Variants in LARGE1 observed in about 807,000 individuals in gnomAD.
LARGE1 encodes the protein xylosyl- and glucuronyltransferase LARGE1.
LARGE1 carries 43 observed loss-of-function variants against 87.6 expected under a neutral mutation model. The ratio of observed to expected loss-of-function variants is 0.49; its 90% CI spans 0.38 to 0.63. The LOEUF is 0.63. Ranked by LOEUF, LARGE1 falls within the 30% of genes least tolerant of loss-of-function variation. The probability of loss-of-function intolerance (pLI) is 0.00; values close to 1 mark genes in which losing one functional copy is unlikely to be tolerated. For missense variants in LARGE1, 802 were observed against 1,000.2 expected (o/e 0.80, Z 2.67); for synonymous variants, 434 against 394.6 (o/e 1.10, Z -1.18).
chr22:33,655,882 A>T (rs954112270), intron 2 of LARGE1, among the ~76,000 whole-genome samples: 2 of 152,224 alleles, frequency 1.3e-5, no homozygotes, highest in Non-Finnish European at 2.9e-5. Context: ...AGGGAGAGAG[A>T]ACTGAGAAAA....
intron 1 of LARGE1, among the ~76,000 whole-genome samples, chr22:33,918,215 AT>A (rs1329239194): frequency 1.3e-5 from 2 of 152,198 alleles, no homozygotes; most frequent in African/African-American, 4.8e-5. Flanking sequence ...AGGAATCTGC[AT>A]TGGCTCACAT....
intron 3 of LARGE1, among the ~76,000 whole-genome samples, chr22:33,633,486 A>T (rs1236769037): frequency 2.6e-5 from 4 of 152,182 alleles, no homozygotes; most frequent in Non-Finnish European, 4.4e-5. Context: ...TTCACAGATA[A>T]ATATGGGGAA....
chr22:33,417,458 A>G (rs2066539113), intron 7 of LARGE1, among the ~76,000 whole-genome samples: 1 of 152,240 alleles, frequency 6.6e-6, no homozygotes, highest in Non-Finnish European at 1.5e-5. Flanking sequence ...CACACCAGAT[A>G]GGGACATAGG....
intron 6 of LARGE1, among the ~76,000 whole-genome samples, chr22:33,477,870 C>T (rs2069147241): frequency 6.6e-6 from 1 of 152,194 alleles, no homozygotes; most frequent in African/African-American, 2.4e-5. Context: ...TGTCGCTGAT[C>T]TAAAATACTC....
At chr22:33,188,283 G>GGA (rs1923594538) in intron 11 of LARGE1, among the ~76,000 whole-genome samples, 3 of 152,162 alleles carry the variant, frequency 2.0e-5, no homozygotes, top group Admixed American at 2.0e-4. Context: ...GGACACTAAT[G>GGA]GAGACAGGAT....
At chr22:33,819,930 G>C (rs547499265) in intron 1 of LARGE1, among the ~76,000 whole-genome samples, 1 of 152,180 alleles carries the variant, frequency 6.6e-6, no homozygotes, top group Non-Finnish European at 1.5e-5. Context: ...CATGTGCAGC[G>C]TGATGTGGGC....
chr22:33,467,702 G>C (rs2068672540), intron 6 of LARGE1, among the ~76,000 whole-genome samples: 1 of 152,208 alleles, frequency 6.6e-6, no homozygotes, highest in Non-Finnish European at 1.5e-5. Context: ...GGCATTTAGT[G>C]AGACAGATGG....
intron 1 of LARGE1, among the ~76,000 whole-genome samples, chr22:33,901,393 C>T (rs2146899400): frequency 6.6e-6 from 1 of 152,286 alleles, no homozygotes; most frequent in African/African-American, 2.4e-5. Flanking sequence ...AAGTAAGCAC[C>T]TTACCCAAGG....
chr22:33,794,343 G>A (rs1945997505), intron 1 of LARGE1, among the ~76,000 whole-genome samples: 1 of 152,204 alleles, frequency 6.6e-6, no homozygotes, highest in Non-Finnish European at 1.5e-5. Flanking sequence ...CCAATCCCAG[G>A]TGGGCCCCAA....
At chr22:33,149,927 G>C in the LARGE1 span, among the ~76,000 whole-genome samples, 1 of 152,042 alleles carries the variant, frequency 6.6e-6, no homozygotes, top group African/African-American at 2.4e-5. Flanking sequence ...TTCCTTCTAC[G>C]TAATTATTTT....
intron 6 of LARGE1, among the ~76,000 whole-genome samples, chr22:33,523,510 T>C (rs2071720436): frequency 6.6e-6 from 1 of 152,192 alleles, no homozygotes; most frequent in Admixed American, 6.5e-5. Context: ...TAGCCTATTG[T>C]CTGTGACATG....
At chr22:33,303,892 G>A (rs984555715) in intron 12 of LARGE1, among the ~76,000 whole-genome samples, 3 of 152,150 alleles carry the variant, frequency 2.0e-5, no homozygotes, top group Admixed American at 6.5e-5. Flanking sequence ...CAAAGTGCTA[G>A]GATTACAGGC....
intron 1 of LARGE1, among the ~76,000 whole-genome samples, chr22:33,796,479 CAGGGAA>C (rs774378463): frequency 6.6e-6 from 1 of 152,040 alleles, no homozygotes; most frequent in Non-Finnish European, 1.5e-5. Flanking sequence ...CTCAAATTCC[CAGGGAA>C]AACAAAAAAG....
intron 2 of LARGE1, among the ~76,000 whole-genome samples, chr22:33,716,791 C>T (rs1046196486): frequency 5.9e-5 from 9 of 152,090 alleles, no homozygotes; most frequent in South Asian, 2.1e-4. Context: ...GTTTAACAAC[C>T]GGTTCCTAGG....
Position 33,413,042 on chromosome 22 carries a change from T to A in LARGE1, c.892+19119A>T, listed in dbSNP as rs576005500. Among the ~76,000 whole-genome samples, 4 of 152,344 alleles carry A rather than the reference T, an allele frequency of 2.6e-5. 1 individual carries two copies. The South Asian group carries it at 8.3e-4, about 32-fold the overall frequency. ...AACAATAGGCTTTCACTAGCAGATG[T>A]GAGCTAGGACCCTAGCACATCACTG... On this transcript the variant is annotated intron_variant, in intron 7 of 14. Coordinates refer to ENST00000397394, the MANE Select transcript of LARGE1 (RefSeq NM_133642.5).
At chr22:33,863,279 T>C (rs1463702781) in intron 1 of LARGE1, among the ~76,000 whole-genome samples, 1 of 152,198 alleles carries the variant, frequency 6.6e-6, no homozygotes, top group Non-Finnish European at 1.5e-5. Flanking sequence ...GCATTTGCCA[T>C]GGAGAAGCAC....
intron 7 of LARGE1, among the ~76,000 whole-genome samples, chr22:33,426,839 T>C (rs2066898697): frequency 6.6e-6 from 1 of 152,240 alleles, no homozygotes; most frequent in African/African-American, 2.4e-5. Flanking sequence ...TATTTTTAAA[T>C]TGTTTTAAAA....
At chr22:33,782,834 C>T (rs1216467956) in intron 1 of LARGE1, among the ~76,000 whole-genome samples, 1 of 149,838 alleles carries the variant, frequency 6.7e-6, no homozygotes, top group Non-Finnish European at 1.5e-5. Context: ...CACTGCACTC[C>T]AGCCTGGCAA....
intron 4 of LARGE1, among the ~76,000 whole-genome samples, chr22:33,608,922 CAT>C (rs773383955): frequency 1.3e-5 from 2 of 152,124 alleles, no homozygotes; most frequent in Non-Finnish European, 2.9e-5. Context: ...ACATAATAAA[CAT>C]AAAGTGCTTA....
Sources: allele counts gnomAD v4.1 joint callset (sites outside exome capture counted in the v4.1 genomes callset), GRCh38; gene constraint gnomAD v4.1.1; transcripts MANE v1.5; gene names NCBI Gene and HGNC (gene_info 2026-07-23, HGNC 2026-07-21).